The following STRN3 variants were observed in gnomAD, a reference collection of about 807,000 sequenced individuals.
The protein encoded by STRN3 is striatin-3.
A neutral mutation model predicts 95.6 loss-of-function variants in STRN3; 29 were observed. That is an observed-to-expected ratio of 0.30 (90% confidence interval 0.23 to 0.41). STRN3 has a LOEUF of 0.41. STRN3 is among the 10% of genes least tolerant of loss of function. The probability of loss-of-function intolerance (pLI) is 1.00; values close to 1 mark genes in which losing one functional copy is unlikely to be tolerated. For synonymous variants in STRN3, 331 were observed against 357.6 expected, an observed-to-expected ratio of 0.93 and a Z score of 0.84; for missense variants, 890 against 972.1, an observed-to-expected ratio of 0.92 and a Z score of 1.12.
At chr14:30,938,821 A>G (rs1121875) in intron 5 of STRN3, among the ~76,000 whole-genome samples, 151,799 of 152,324 alleles carry the variant, frequency 1, 75,644 homozygotes, top group Middle Eastern at 1. Flanking sequence ...TAGACATTGC[A>G]TCATAACGAT....
At chr14:31,018,950 C>T (rs1883373986) in intron 1 of STRN3, among the ~76,000 whole-genome samples, 1 of 152,100 alleles carries the variant, frequency 6.6e-6, no homozygotes, top group Admixed American at 6.5e-5. Flanking sequence ...TGGTGAAACC[C>T]CATCCCTACT....
At chr14:30,968,609 G>A (rs1880663111) in intron 1 of STRN3, among the ~76,000 whole-genome samples, 1 of 151,298 alleles carries the variant, frequency 6.6e-6, no homozygotes, top group South Asian at 2.1e-4. Context: ...GAACCCGGGA[G>A]GCAGAGTTGC....
rs375937054 is a variant in STRN3, at chr14:30,900,944, AG to A, written c.2137+1591del. On this transcript the variant is annotated intron_variant, in intron 16 of 17. Coordinates refer to ENST00000357479, the MANE Select transcript of STRN3 (RefSeq NM_001083893.2). ...CTTTCTTGATTTCTGCTAATAAAAT[AG>A]CTTTTCAGATGCTCACCTTTTGCTT... Among the ~76,000 whole-genome samples, 492 of 152,324 alleles carry A rather than the reference AG, an allele frequency of 3.2e-3. 14 individuals are homozygous for A. In the South Asian group the frequency reaches 0.072, roughly 22 times the overall value.
At chr14:30,968,882 T>C (rs1566464901) in intron 1 of STRN3, among the ~76,000 whole-genome samples, 1 of 152,140 alleles carries the variant, frequency 6.6e-6, no homozygotes, top group South Asian at 2.1e-4. Flanking sequence ...AAGTAAAATA[T>C]ACTTCTGGTA....
chr14:30,971,767 TA>T (rs201159468), intron 1 of STRN3, among the ~76,000 whole-genome samples: 4 of 150,876 alleles, frequency 2.7e-5, no homozygotes, highest in Admixed American at 6.6e-5. Context: ...ACAGGATGGC[TA>T]AAAAAAAAGT....
In STRN3 at chr14:30,911,050, C is replaced by T; in HGVS notation, c.1711G>A (p.Asp571Asn). 4 of 1,607,998 alleles carry T rather than the reference C, an allele frequency of 2.5e-6. No homozygotes were observed. Among genetic ancestry groups the T allele is most frequent in the Non-Finnish European group, 3.4e-6 (4 of 1,177,190 alleles). Residue 571 changes from aspartate (D) to asparagine (N), a missense_variant, in exon 13 of 18, where the codon GAT (aspartate) becomes AAT (asparagine). Physicochemically the swap from Asp to Asn is conservative, Grantham distance 23. Coordinates refer to ENST00000357479, the MANE Select transcript of STRN3 (RefSeq NM_001083893.2). ...TGATCATTTTACTTACCATATGTAT[C>T]ATATGGATCTACACTGGGACTCGGC... ...NMPSPSVDPY[D>N]TYEPNVLAGT...
chr14:31,005,874 T>C (rs889496306), intron 1 of STRN3, among the ~76,000 whole-genome samples: 16 of 152,122 alleles, frequency 1.1e-4, no homozygotes, highest in Admixed American at 2.0e-4. Context: ...TCCCAGTACT[T>C]TGGGAGGCCA....
intron 5 of STRN3, among the ~76,000 whole-genome samples, chr14:30,941,053 C>G (rs139291719): frequency 6.6e-6 from 1 of 152,114 alleles, no homozygotes; most frequent in South Asian, 2.1e-4. Context: ...TTCCACCATG[C>G]GAAAACCCAG....
Position 30,895,289 on chromosome 14 carries a change from C to G in STRN3, c.*122G>C. 1 of 969,396 alleles carries G rather than the reference C, an allele frequency of 1.0e-6. No individual in the cohort carries two copies. Among genetic ancestry groups the G allele is most frequent in the Non-Finnish European group, 1.5e-6 (1 of 684,738 alleles). 60.0% of individuals were successfully genotyped at this position (969,396 alleles called of 1,614,324 possible). ...TGTGATTTCCACCAATTTGTGCCTG[C>G]CCCAGATAGCCTTCACCAGGCAGAT... is the stretch of plus-strand genomic sequence containing the variant. On this transcript the variant is annotated 3_prime_UTR_variant, in exon 18 of 18. Coordinates refer to ENST00000357479, the MANE Select transcript of STRN3 (RefSeq NM_001083893.2).
At chr14:30,934,716 T>C (rs1037314414) in intron 7 of STRN3, among the ~76,000 whole-genome samples, 16 of 152,140 alleles carry the variant, frequency 1.1e-4, no homozygotes, top group African/African-American at 3.9e-4. Context: ...TCTAATTACT[T>C]TCTAATTACT....
intron 7 of STRN3, among the ~76,000 whole-genome samples, chr14:30,933,067 G>C (rs766292291): frequency 9.2e-5 from 14 of 151,402 alleles, no homozygotes; most frequent in Non-Finnish European, 1.8e-4. Context: ...TTGAGTCCAC[G>C]AGTTCAAGAC....
Position 30,935,311 on chromosome 14 carries a change from A to G in STRN3, c.847-7T>C, listed in dbSNP as rs1218545674. The G allele has an allele frequency of 6.2e-7, 1 of 1,612,190 alleles. No homozygotes were observed. The highest frequency in any genetic ancestry group is 8.5e-7 in the Non-Finnish European group (1 of 1,179,150). On this transcript the variant is annotated splice_region_variant and splice_polypyrimidine_tract_variant and intron_variant, in intron 6 of 17. Coordinates refer to ENST00000357479, the MANE Select transcript of STRN3 (RefSeq NM_001083893.2). Reference sequence around the variant, plus strand: ...CTAAACCTTCATTACCTATCTGTAAATAGAATATAAACCAAGAATTACTTT... The same window carrying G: ...CTAAACCTTCATTACCTATCTGTAAGTAGAATATAAACCAAGAATTACTTT...
intron 1 of STRN3, among the ~76,000 whole-genome samples, chr14:31,020,955 C>CGAA (rs1470481520): frequency 6.6e-6 from 1 of 152,034 alleles, no homozygotes; most frequent in African/African-American, 2.4e-5. Flanking sequence ...AGGACAAAGT[C>CGAA]TGTGTCTCAT....
chr14:30,925,202 T>C (rs1364957059), intron 8 of STRN3, among the ~76,000 whole-genome samples: 1 of 133,418 alleles, frequency 7.5e-6, no homozygotes, highest in African/African-American at 2.8e-5. Context: ...CTGTCACTTT[T>C]AACCCCTTTT....
intron 1 of STRN3, among the ~76,000 whole-genome samples, chr14:30,967,287 G>C (rs1175744747): frequency 1.4e-5 from 2 of 146,812 alleles, no homozygotes; most frequent in African/African-American, 5.1e-5. Context: ...GGCAGAGAGG[G>C]GGGAAAGAGA....
chr14:30,968,319 G>A (rs539155712), intron 1 of STRN3, among the ~76,000 whole-genome samples: 214 of 150,186 alleles, frequency 1.4e-3, no homozygotes, highest in African/African-American at 4.9e-3. Context: ...AAATTGGGGG[G>A]ACAGAATTTA....
intron 1 of STRN3, among the ~76,000 whole-genome samples, chr14:30,999,177 G>A (rs1332981484): frequency 2.0e-5 from 3 of 152,104 alleles, no homozygotes; most frequent in Non-Finnish European, 2.9e-5. Flanking sequence ...CTGAGGTGCT[G>A]GGACTACAGG....
chr14:31,012,297 A>G (rs1431847920), intron 1 of STRN3, among the ~76,000 whole-genome samples: 1 of 152,206 alleles, frequency 6.6e-6, no homozygotes, highest in Non-Finnish European at 1.5e-5. Flanking sequence ...ACTTAAATAA[A>G]AGCAAGCCCC....
intron 1 of STRN3, among the ~76,000 whole-genome samples, chr14:31,003,510 C>T (rs1358168479): frequency 6.6e-6 from 1 of 151,822 alleles, no homozygotes; most frequent in African/African-American, 2.4e-5. Context: ...AGATTAATGC[C>T]TTCTATGGAG....
Sources: gnomAD v4.1 joint callset for allele counts (sites outside exome capture counted in the v4.1 genomes callset) on GRCh38, gnomAD v4.1.1 for gene constraint, MANE v1.5 for transcripts, NCBI Gene and HGNC (gene_info 2026-07-23, HGNC 2026-07-21) for gene names.